RBFOX1: variants seen among roughly 807,000 people sequenced by gnomAD.
RBFOX1 encodes the protein RNA binding fox-1 homolog 1, also known as RNA binding protein fox-1 homolog 1.
Under a neutral mutation model 57.7 loss-of-function variants are expected in RBFOX1, and 8 were observed. That is an observed-to-expected ratio of 0.14 (90% CI 0.08 to 0.25). The LOEUF is 0.25. Among genes scored for constraint, RBFOX1 ranks in the 10% least tolerant of loss-of-function variants. RBFOX1 has a pLI of 1.00. For synonymous variants in RBFOX1, 326 were observed against 222.4 expected (o/e 1.47, Z -4.15); for missense variants, 611 against 548.5 (o/e 1.11, Z -1.14).
chr16:5,658,154 G>C (rs2049516269), intron 3 of RBFOX1, among the ~76,000 whole-genome samples: 1 of 152,202 alleles, frequency 6.6e-6, no homozygotes, highest in African/African-American at 2.4e-5. Context: ...GATCCAGCAA[G>C]TGGAGTGAGC....
intron 2 of RBFOX1, among the ~76,000 whole-genome samples, chr16:6,320,494 A>G (rs1239882887): frequency 6.6e-6 from 1 of 152,128 alleles, no homozygotes. Context: ...TATTGAAATA[A>G]AAATAAAATT....
In RBFOX1 at chr16:7,444,126, C is replaced by T. The variant is rs570515942; in HGVS notation, c.28-74021C>T. 5.9e-5 allele frequency among the ~76,000 whole-genome samples: 9 copies of T among 152,268 alleles called. No individual in the cohort carries two copies. The East Asian group carries it at 9.6e-4, about 16-fold the overall frequency. The stretch of plus-strand genomic sequence containing the variant: ...GAATCACGTTATTATACTAAACCAA[C>T]GTTATACTAAACCAACATTAGCTAG... On this transcript the variant is annotated intron_variant, in intron 4 of 15. Coordinates refer to ENST00000550418, the MANE Select transcript of RBFOX1 (RefSeq NM_018723.4).
At chr16:7,571,275 C>T (rs185147025) in intron 5 of RBFOX1, among the ~76,000 whole-genome samples, 28 of 152,282 alleles carry the variant, frequency 1.8e-4, no homozygotes, top group South Asian at 1.5e-3. Context: ...GAAGATGCCA[C>T]GCAGGTGGCC....
chr16:6,169,238 A>G (rs1305134157), intron 1 of RBFOX1, among the ~76,000 whole-genome samples: 1 of 150,068 alleles, frequency 6.7e-6, no homozygotes, highest in African/African-American at 2.5e-5. Flanking sequence ...CAAGAGTAGA[A>G]CTCGGCAAAT....
chr16:5,346,307 C>A (rs2065138142), intron 1 of RBFOX1, among the ~76,000 whole-genome samples: 1 of 152,180 alleles, frequency 6.6e-6, no homozygotes, highest in African/African-American at 2.4e-5. Flanking sequence ...GAGCACTTGC[C>A]TGGCACATCT....
intron 2 of RBFOX1, among the ~76,000 whole-genome samples, chr16:6,498,075 CCCGTCT>C (rs2095820956): frequency 6.6e-6 from 1 of 151,532 alleles, no homozygotes; most frequent in African/African-American, 2.4e-5. Flanking sequence ...ATGATGAAAC[CCCGTCT>C]CTACTTAAAA....
intron 2 of RBFOX1, among the ~76,000 whole-genome samples, chr16:6,647,878 G>A (rs1373579170): frequency 6.6e-6 from 1 of 152,126 alleles, no homozygotes; most frequent in Non-Finnish European, 1.5e-5. Flanking sequence ...CTTGTTCTTT[G>A]TTGCCCAGTC....
intron 3 of RBFOX1, among the ~76,000 whole-genome samples, chr16:7,001,420 A>G (rs1212741207): frequency 6.7e-6 from 1 of 150,128 alleles, no homozygotes; most frequent in African/African-American, 2.4e-5. Context: ...ATGTATATGT[A>G]TATGTATATG....
intron 4 of RBFOX1, among the ~76,000 whole-genome samples, chr16:7,195,128 T>C (rs1214582335): frequency 2.0e-5 from 3 of 152,190 alleles, no homozygotes; most frequent in African/African-American, 7.2e-5. Context: ...GTCTGTCAAC[T>C]TCACCATGTT....
At chr16:5,812,458 CT>C (rs35251301) in intron 3 of RBFOX1, among the ~76,000 whole-genome samples, 80,635 of 135,354 alleles carry the variant, frequency 0.6, 24,195 homozygotes, top group South Asian at 0.69. Flanking sequence ...GTCTTTTTCT[CT>C]TTTTTTTTTT....
chr16:7,043,012 T>A (rs55692376), intron 3 of RBFOX1, among the ~76,000 whole-genome samples: 38,086 of 152,046 alleles, frequency 0.25, 5,453 homozygotes, highest in East Asian at 0.45. Context: ...TATTTTGCAA[T>A]CCCAAAGTTC....
chr16:5,603,462 C>T (rs899170732), downstream of RBFOX1, among the ~76,000 whole-genome samples: 5 of 152,120 alleles, frequency 3.3e-5, no homozygotes, highest in African/African-American at 1.2e-4. Context: ...GAGGGGAAGG[C>T]CAGCAGGTTC....
chr16:6,248,386 C>A (rs1385939055), intron 1 of RBFOX1, among the ~76,000 whole-genome samples: 1 of 152,134 alleles, frequency 6.6e-6, no homozygotes, highest in Admixed American at 6.5e-5. Context: ...GATGTATATA[C>A]TCTTTGGACA....
intron 2 of RBFOX1, among the ~76,000 whole-genome samples, chr16:6,565,323 C>G (rs4786882): frequency 0.52 from 77,876 of 150,880 alleles, 21,616 homozygotes; most frequent in South Asian, 0.73. Context: ...GTGGCGCGAT[C>G]TTGGCTCACT....
At position 5,520,411 on chromosome 16, in the gene RBFOX1, C is replaced by G. The variant is rs558267470; in HGVS notation, c.258+53157C>G. On this transcript the variant is annotated intron_variant, in intron 2 of 2. Transcript: ENST00000585867. Reference sequence around the variant, plus strand: ...ACAGCTGACTCATTTAGATGGCTAACTCACCCCCTGTCTTCTCAGCCACCA... The same window carrying G: ...ACAGCTGACTCATTTAGATGGCTAAGTCACCCCCTGTCTTCTCAGCCACCA... Among the ~76,000 whole-genome samples the G allele has an allele frequency of 3.2e-4, 49 of 152,312 alleles. 1 individual carries two copies. Among genetic ancestry groups the G allele is most frequent in the East Asian group, 1.5e-3 (8 of 5,184 alleles).
At chr16:6,422,046 G>A (rs572750165) in intron 2 of RBFOX1, among the ~76,000 whole-genome samples, 11 of 116,638 alleles carry the variant, frequency 9.4e-5, no homozygotes, top group South Asian at 6.1e-4. Context: ...TCAGCCTCCC[G>A]AGTAGGTGGG....
chr16:7,378,643 G>A (rs1444451249), intron 4 of RBFOX1, among the ~76,000 whole-genome samples: 1 of 152,076 alleles, frequency 6.6e-6, no homozygotes, highest in African/African-American at 2.4e-5. Context: ...AGAATGCTTG[G>A]TACAAATTCA....
Position 5,299,702 on chromosome 16 carries a change from G to T in RBFOX1, c.219+59597G>T, listed in dbSNP as rs1362425909. Among the ~76,000 whole-genome samples the T allele has an allele frequency of 1.3e-5, 2 of 152,016 alleles. 1 individual carries two copies. Among genetic ancestry groups the T allele is most frequent in the Admixed American group, 1.3e-4 (2 of 15,270 alleles). ...TGGTGAGCTTTTTGTGGATTTCATG[G>T]GGTTTTTTGATGTATACAATCATGC... On this transcript the variant is annotated intron_variant, in intron 1 of 2. Coordinates refer to the RBFOX1 transcript ENST00000585867.
At chr16:6,211,493 G>C (rs901090148) in intron 1 of RBFOX1, among the ~76,000 whole-genome samples, 2 of 152,134 alleles carry the variant, frequency 1.3e-5, no homozygotes, top group Admixed American at 1.3e-4. Flanking sequence ...CTCCCAAAGT[G>C]CTGGGATTAC....
Sources: gnomAD v4.1 joint callset for allele counts (sites outside exome capture counted in the v4.1 genomes callset) on GRCh38, gnomAD v4.1.1 for gene constraint, MANE v1.5 for transcripts, NCBI Gene and HGNC (gene_info 2026-07-23, HGNC 2026-07-21) for gene names.